Variants in CSMD1 observed in about 807,000 individuals in gnomAD.
The protein encoded by CSMD1 is CUB and Sushi multiple domains 1, also known as CUB and sushi domain-containing protein 1.
A neutral mutation model predicts 417.5 loss-of-function variants in CSMD1; 213 were observed. That is an observed-to-expected ratio of 0.51 (90% CI 0.46 to 0.57). The LOEUF (loss-of-function observed/expected upper bound fraction) is 0.57, where lower values mean the gene tolerates loss of function less well. Among genes scored for constraint, CSMD1 ranks in the 20% least tolerant of loss-of-function variants. The pLI is 0.00. For missense variants in CSMD1, 6,923 were observed against 4,529.7 expected (o/e 1.53, Z -15.17); for synonymous variants, 2,862 against 1,736.8 (o/e 1.65, Z -16.11).
intron 3 of CSMD1, among the ~76,000 whole-genome samples, chr8:4,295,246 TCTTAA>T (rs1797604944): frequency 8.7e-6 from 1 of 114,292 alleles, no homozygotes; most frequent in African/African-American, 2.9e-5. Flanking sequence ...GCACATATAA[TCTTAA>T]GATTTTCTAT....
At chr8:4,425,839 T>C (rs1373783614) in intron 2 of CSMD1, among the ~76,000 whole-genome samples, 1 of 152,150 alleles carries the variant, frequency 6.6e-6, no homozygotes, top group African/African-American at 2.4e-5. Context: ...GGGAATATTT[T>C]AGTATATGCA....
chr8:4,313,090 T>C (rs569380978), intron 3 of CSMD1, among the ~76,000 whole-genome samples: 3 of 152,296 alleles, frequency 2.0e-5, no homozygotes, highest in Admixed American at 6.5e-5. Context: ...AGAGCTAATA[T>C]AGAAACACAA....
chr8:3,050,448 A>C (rs1261395456), intron 50 of CSMD1, among the ~76,000 whole-genome samples: 6 of 152,234 alleles, frequency 3.9e-5, no homozygotes, highest in African/African-American at 1.4e-4. Flanking sequence ...GGCTGTGTGC[A>C]AAAGAAACAT....
intron 6 of CSMD1, among the ~76,000 whole-genome samples, chr8:3,748,295 G>C (rs1797156334): frequency 6.6e-6 from 1 of 152,070 alleles, no homozygotes; most frequent in Non-Finnish European, 1.5e-5. Flanking sequence ...TTATTTAAAG[G>C]TTATAATATA....
chr8:4,569,719 A>G (rs1401659570), intron 2 of CSMD1, among the ~76,000 whole-genome samples: 1 of 152,124 alleles, frequency 6.6e-6, no homozygotes, highest in African/African-American at 2.4e-5. Context: ...GAATCTATAT[A>G]TTACTTTGGG....
At chr8:3,136,853 G>A (rs770318501) in intron 41 of CSMD1, among the ~76,000 whole-genome samples, 25 of 151,948 alleles carry the variant, frequency 1.6e-4, no homozygotes, top group Non-Finnish European at 3.4e-4. Flanking sequence ...CTGGACACAT[G>A]GTATTTGTGC....
chr8:3,509,845 A>G (rs908710461), intron 10 of CSMD1, among the ~76,000 whole-genome samples: 3 of 152,140 alleles, frequency 2.0e-5, no homozygotes, highest in Non-Finnish European at 2.9e-5. Flanking sequence ...TCAGGAAGCA[A>G]TTATCAGGTT....
At chr8:4,470,830 G>A (rs189559220) in intron 2 of CSMD1, among the ~76,000 whole-genome samples, 2 of 152,270 alleles carry the variant, frequency 1.3e-5, no homozygotes, top group Non-Finnish European at 2.9e-5. Flanking sequence ...AATCGATGTT[G>A]TCTCTGGGCT....
intron 3 of CSMD1, among the ~76,000 whole-genome samples, chr8:4,143,936 T>C (rs564768455): frequency 6.6e-6 from 1 of 151,386 alleles, no homozygotes; most frequent in South Asian, 2.1e-4. Context: ...GTGTTGCAGA[T>C]GAAGGGATGG....
At chr8:4,326,755 C>T (rs1047093482) in intron 3 of CSMD1, among the ~76,000 whole-genome samples, 3 of 151,820 alleles carry the variant, frequency 2.0e-5, no homozygotes, top group African/African-American at 7.3e-5. Flanking sequence ...TGCCCATCTT[C>T]AGAAGAAGAT....
chr8:3,233,188 A>G (rs1488925405), intron 26 of CSMD1, among the ~76,000 whole-genome samples: 4 of 152,144 alleles, frequency 2.6e-5, no homozygotes, highest in Non-Finnish European at 5.9e-5. Flanking sequence ...TTGAAATGTA[A>G]TCAATATGGT....
At chr8:4,110,152 G>T (rs763656913) in intron 3 of CSMD1, among the ~76,000 whole-genome samples, 12 of 152,030 alleles carry the variant, frequency 7.9e-5, no homozygotes, top group Non-Finnish European at 1.6e-4. Flanking sequence ...GTTTAAATAT[G>T]CAAATCTGCC....
chr8:4,930,092 C>T (rs1043628007), intron 1 of CSMD1, among the ~76,000 whole-genome samples: 1 of 152,170 alleles, frequency 6.6e-6, no homozygotes, highest in African/African-American at 2.4e-5. Flanking sequence ...GTTTCTCGCC[C>T]TAGCTCTGTC....
At chr8:3,367,897 A>C (rs1349158732) in intron 19 of CSMD1, among the ~76,000 whole-genome samples, 1 of 152,182 alleles carries the variant, frequency 6.6e-6, no homozygotes. Flanking sequence ...CAGAGGGACA[A>C]AGGACCAGAC....
chr8:3,214,783 T>C (rs1797795983), intron 29 of CSMD1, 92 bp from the exon 30 acceptor site: 2 of 955,714 alleles, frequency 2.1e-6, no homozygotes, highest in Non-Finnish European at 3.1e-6. Context: ...AATTGTGTTA[T>C]TTAGGGCCTA....
intron 5 of CSMD1, among the ~76,000 whole-genome samples, chr8:3,794,664 G>T (rs924286608): frequency 6.6e-6 from 1 of 151,546 alleles, no homozygotes; most frequent in Non-Finnish European, 1.5e-5. Flanking sequence ...GTGATTATTT[G>T]GTATTTATCC....
intron 23 of CSMD1, among the ~76,000 whole-genome samples, chr8:3,315,071 A>T (rs932918626): frequency 2.0e-5 from 3 of 152,188 alleles, no homozygotes; most frequent in Admixed American, 6.5e-5. Flanking sequence ...TTACAAAAAC[A>T]TACTATCTAT....
At chr8:3,863,345 G>C (rs190652497) in intron 5 of CSMD1, among the ~76,000 whole-genome samples, 1 of 148,786 alleles carries the variant, frequency 6.7e-6, no homozygotes, top group East Asian at 2.0e-4. Flanking sequence ...TGCAGGAGTT[G>C]AGATCGTGCC....
intron 2 of CSMD1, among the ~76,000 whole-genome samples, chr8:4,548,846 C>T (rs7831820): frequency 0.69 from 104,100 of 151,904 alleles, 35,919 homozygotes; most frequent in Admixed American, 0.75. Context: ...CTTGGGGGGA[C>T]ATGTGATGCG....
Sources: gnomAD v4.1 joint callset for allele counts (sites outside exome capture counted in the v4.1 genomes callset) on GRCh38, gnomAD v4.1.1 for gene constraint, MANE v1.5 for transcripts, NCBI Gene and HGNC (gene_info 2026-07-23, HGNC 2026-07-21) for gene names.